Variants in TENM4 observed in about 807,000 individuals in gnomAD.
The protein encoded by TENM4 is teneurin transmembrane protein 4.
A neutral mutation model predicts 243.3 loss-of-function variants in TENM4; 82 were observed. That is an observed-to-expected ratio of 0.34 (90% CI 0.28 to 0.40). The LOEUF (loss-of-function observed/expected upper bound fraction) is 0.40. Ranked by LOEUF, TENM4 falls within the 10% of genes least tolerant of loss-of-function variation. TENM4 has a pLI of 1.00. For missense variants in TENM4, 3,138 were observed against 3,673.3 expected, an observed-to-expected ratio of 0.85 and a Z score of 3.77; for synonymous variants, 1,412 against 1,456.3, an observed-to-expected ratio of 0.97 and a Z score of 0.69.
Position 78,674,297 on chromosome 11 carries a change from C to T in TENM4, c.5496+1855G>A, listed in dbSNP as rs954624969. Among the ~76,000 whole-genome samples, 3 of 152,210 alleles carry T rather than the reference C, an allele frequency of 2.0e-5. No individual in the cohort carries two copies. In the East Asian group the frequency reaches 5.8e-4, roughly 29 times the overall value. ...ATGAACTCCATTATGGGGAGGCACA[C>T]CCGGCTAACATTCTAATTCCACCTG... On this transcript the variant is annotated intron_variant, in intron 30 of 33. Coordinates refer to ENST00000278550, the MANE Select transcript of TENM4 (RefSeq NM_001098816.3).
chr11:79,358,147 A>T (rs1857528282), intron 1 of TENM4, among the ~76,000 whole-genome samples: 1 of 152,244 alleles, frequency 6.6e-6, no homozygotes, highest in Non-Finnish European at 1.5e-5. Flanking sequence ...TCATCACAGC[A>T]GTCCTGCTAG....
rs916664438 is a variant in TENM4 at position 79,415,460 on chromosome 11, A to T, written c.-321+25049T>A. Among the ~76,000 whole-genome samples, 14 of 152,212 alleles carry T rather than the reference A, an allele frequency of 9.2e-5. 1 individual carries two copies. ...GCATTTGGGTCATCCACTATAGGTC[A>T]GACTCGGTGCTCAGGGCTTTATGTA... On this transcript the variant is annotated intron_variant, in intron 1 of 33. Coordinates refer to ENST00000278550, the MANE Select transcript of TENM4 (RefSeq NM_001098816.3).
intron 4 of TENM4, among the ~76,000 whole-genome samples, chr11:79,102,599 C>T (rs1861261590): frequency 6.6e-6 from 1 of 152,180 alleles, no homozygotes; most frequent in Non-Finnish European, 1.5e-5. Context: ...ACATGTGAAG[C>T]CCTTGGCATG....
At chr11:78,727,220 G>A (rs934324991) in intron 22 of TENM4, among the ~76,000 whole-genome samples, 29 of 152,110 alleles carry the variant, frequency 1.9e-4, no homozygotes, top group Admixed American at 5.9e-4. Flanking sequence ...AGGCCGAGGC[G>A]GGCGGATCAC....
chr11:79,199,633 CAG>C (rs1863701736), intron 3 of TENM4, among the ~76,000 whole-genome samples: 1 of 152,216 alleles, frequency 6.6e-6, no homozygotes, highest in South Asian at 2.1e-4. Context: ...TACAGATATG[CAG>C]TCCTGGGGCT....
chr11:78,689,408 A>G (rs1858763451), intron 28 of TENM4, among the ~76,000 whole-genome samples: 1 of 151,900 alleles, frequency 6.6e-6, no homozygotes, highest in Admixed American at 6.5e-5. Flanking sequence ...CTTCCTCTAC[A>G]TGGCAATATT....
chr11:79,299,386 C>T (rs1298835528), intron 1 of TENM4, among the ~76,000 whole-genome samples: 1 of 152,166 alleles, frequency 6.6e-6, no homozygotes, highest in Non-Finnish European at 1.5e-5. Context: ...CACCCCAGTG[C>T]CCCAGGAGCG....
At chr11:79,202,261 C>G (rs115835197) in intron 3 of TENM4, among the ~76,000 whole-genome samples, 2,092 of 152,318 alleles carry the variant, frequency 0.014, 45 homozygotes, top group African/African-American at 0.048. Flanking sequence ...TCCACCCTAC[C>G]CATGCTCTGG....
In TENM4 at chr11:78,702,220, C is replaced by T. The variant is rs182220231; in HGVS notation, c.4393G>A (p.Ala1465Thr). 54 of 1,613,992 alleles carry T rather than the reference C, an allele frequency of 3.3e-5. 1 individual carries two copies. Among genetic ancestry groups the T allele is most frequent in the Admixed American group, 2.2e-4 (13 of 60,018 alleles). ...AAAGCGGTGGCTGACTCCAGGGTTG[C>T]GTGGATGGCCACCTTGCTTAGCAGG... ...HFLLSKVAIH[A>T]TLESATALAV... is the part of the protein sequence containing the mutation. Residue 1465 changes from alanine to threonine, a missense_variant, in exon 28 of 34, where the codon GCA becomes ACA. By Grantham distance (58) the Ala-to-Thr change is moderately conservative. Transcript: ENST00000278550.
intron 6 of TENM4, among the ~76,000 whole-genome samples, chr11:78,960,678 A>G (rs1857300919): frequency 6.6e-6 from 1 of 152,156 alleles, no homozygotes; most frequent in African/African-American, 2.4e-5. Context: ...TGCCTCCTTT[A>G]GGAGGCATTT....
At chr11:78,793,511 T>C (rs1857101322) in intron 15 of TENM4, among the ~76,000 whole-genome samples, 1 of 152,234 alleles carries the variant, frequency 6.6e-6, no homozygotes, top group South Asian at 2.1e-4. Context: ...TAATTTTAAA[T>C]GATTCCTGCC....
At chr11:79,182,933 CAG>C (rs1863312348) in intron 3 of TENM4, among the ~76,000 whole-genome samples, 1 of 152,154 alleles carries the variant, frequency 6.6e-6, no homozygotes, top group South Asian at 2.1e-4. Flanking sequence ...TGTGGAGCAG[CAG>C]GAATTTTCAT....
Position 79,028,033 on chromosome 11 carries a change from G to T in TENM4, c.493+36705C>A, listed in dbSNP as rs146264387. On this transcript the variant is annotated intron_variant, in intron 6 of 33. Transcript: ENST00000278550. Reference sequence around the variant, plus strand: ...GAAGCCATAGATTGTAGTGGTTAAAGGTCTGTTAGGCCAGACAGTATGGAT... The same window carrying T: ...GAAGCCATAGATTGTAGTGGTTAAATGTCTGTTAGGCCAGACAGTATGGAT... 3.5e-4 allele frequency among the ~76,000 whole-genome samples: 54 copies of T among 152,286 alleles called. No individual in the cohort carries two copies. The Middle Eastern group carries it at 0.014, about 38-fold the overall frequency.
chr11:78,920,116 T>A (rs1263730652), intron 6 of TENM4, among the ~76,000 whole-genome samples: 1 of 152,166 alleles, frequency 6.6e-6, no homozygotes, highest in Non-Finnish European at 1.5e-5. Flanking sequence ...AGTGAACAGA[T>A]GAGCAGGAAT....
At chr11:78,958,523 T>G (rs904761971) in intron 6 of TENM4, among the ~76,000 whole-genome samples, 16 of 152,356 alleles carry the variant, frequency 1.1e-4, no homozygotes, top group African/African-American at 3.8e-4. Context: ...GAGAAAAAGC[T>G]ACTTCCCCTG....
intron 18 of TENM4, among the ~76,000 whole-genome samples, chr11:78,770,520 G>A (rs1416367042): frequency 1.3e-5 from 2 of 152,224 alleles, no homozygotes; most frequent in African/African-American, 4.8e-5. Flanking sequence ...TACAAAAGGT[G>A]TCTGCTGGTG....
At chr11:78,858,184 A>C (rs1489601324) in intron 10 of TENM4, among the ~76,000 whole-genome samples, 1 of 152,180 alleles carries the variant, frequency 6.6e-6, no homozygotes, top group East Asian at 1.9e-4. Context: ...GCGTATTTTT[A>C]GGAGACAGTG....
intron 3 of TENM4, among the ~76,000 whole-genome samples, chr11:79,197,314 C>G (rs186545385): frequency 2.0e-5 from 3 of 151,526 alleles, no homozygotes; most frequent in African/African-American, 7.3e-5. Context: ...GCTTCCCAAC[C>G]CTGGCTGCTC....
chr11:79,288,605 G>A (rs189629616), intron 2 of TENM4, among the ~76,000 whole-genome samples: 6 of 152,314 alleles, frequency 3.9e-5, no homozygotes, highest in Non-Finnish European at 7.3e-5. Flanking sequence ...ACAGACCTAC[G>A]ATAAATCCCA....
Sources: allele counts gnomAD v4.1 joint callset (sites outside exome capture counted in the v4.1 genomes callset), GRCh38; gene constraint gnomAD v4.1.1; transcripts MANE v1.5; gene names NCBI Gene and HGNC (gene_info 2026-07-23, HGNC 2026-07-21).